Variants in MYO18B observed in about 807,000 individuals in gnomAD.
MYO18B encodes the protein unconventional myosin-XVIIIb.
A neutral mutation model predicts 273.0 loss-of-function variants in MYO18B; 204 were observed. The ratio of observed to expected loss-of-function variants is 0.75; its 90% CI spans 0.67 to 0.84. The LOEUF (loss-of-function observed/expected upper bound fraction) is 0.84, where lower values mean the gene tolerates loss of function less well. Among genes scored for constraint, MYO18B ranks in the 40% least tolerant of loss-of-function variants. MYO18B has a pLI of 0.00. For synonymous variants in MYO18B, 1,330 were observed against 1,305.7 expected, an observed-to-expected ratio of 1.02 and a Z score of -0.40; for missense variants, 3,212 against 3,287.6, an observed-to-expected ratio of 0.98 and a Z score of 0.56.
Position 25,898,390 on chromosome 22 carries a change from C to T in MYO18B, c.4752C>T (p.Asp1584=), listed in dbSNP as rs764869659. 7 of 1,613,918 alleles carry T rather than the reference C, an allele frequency of 4.3e-6. No homozygotes were observed. The African/African-American group carries it at 6.7e-5, about 15-fold the overall frequency. ...GGAAGTGCCACCATCTTACCTGTGACCTTGAGGATACCTGCGTCCTGCTAG... is the reference window on the plus strand; with the variant it reads ...GGAAGTGCCACCATCTTACCTGTGATCTTGAGGATACCTGCGTCCTGCTAG... ...LKRKCHHLTC[D]LEDTCVLLEN... is the part of the protein sequence containing the mutation. Residue 1584 remains aspartate, a synonymous_variant, in exon 29 of 44, where the codon GAC becomes GAT. Coordinates refer to ENST00000335473, the MANE Select transcript of MYO18B (RefSeq NM_032608.7).
chr22:26,005,396 T>C (rs1203552876), intron 42 of MYO18B, among the ~76,000 whole-genome samples: 1 of 152,212 alleles, frequency 6.6e-6, no homozygotes, highest in African/African-American at 2.4e-5. Flanking sequence ...TTTTATAATT[T>C]CCTTACCACA....
chr22:25,845,065 A>T (rs1250283594), intron 18 of MYO18B, among the ~76,000 whole-genome samples: 1 of 152,198 alleles, frequency 6.6e-6, no homozygotes, highest in Non-Finnish European at 1.5e-5. Flanking sequence ...CCTCAGTTTC[A>T]TAATCTGAGA....
chr22:25,896,067 G>C (rs985304202), intron 28 of MYO18B, among the ~76,000 whole-genome samples: 16 of 152,100 alleles, frequency 1.1e-4, no homozygotes, highest in Admixed American at 1.0e-3. Context: ...GGTCGTGGGT[G>C]TGTTCTGCTA....
At chr22:25,914,727 C>T (rs1283123055) in intron 33 of MYO18B, among the ~76,000 whole-genome samples, 11 of 93,334 alleles carry the variant, frequency 1.2e-4, no homozygotes, top group Admixed American at 8.5e-4. Context: ...GATGGAGTCT[C>T]GCTCTGTCGC....
At chr22:26,060,721 T>C in the MYO18B span, among the ~76,000 whole-genome samples, 27 of 152,002 alleles carry the variant, frequency 1.8e-4, no homozygotes, top group African/African-American at 6.0e-4. Flanking sequence ...CACACATACA[T>C]ATACACATGC....
chr22:25,841,733 C>T (rs16980848), intron 17 of MYO18B, among the ~76,000 whole-genome samples: 10,672 of 152,280 alleles, frequency 0.07, 480 homozygotes, highest in African/African-American at 0.12. Flanking sequence ...TACTCGGTCA[C>T]GATCCTCATT....
chr22:25,948,583 C>G (rs1895204511), intron 36 of MYO18B, among the ~76,000 whole-genome samples: 1 of 98,566 alleles, frequency 1.0e-5, no homozygotes, highest in African/African-American at 3.4e-5. Context: ...CCCCCTCTTT[C>G]TTTCTTTCTT....
At chr22:25,761,529 T>G (rs913359617) in intron 2 of MYO18B, among the ~76,000 whole-genome samples, 1 of 152,048 alleles carries the variant, frequency 6.6e-6, no homozygotes, top group Admixed American at 6.6e-5. Context: ...GCCACAGGGG[T>G]GGGTTTCTGT....
chr22:26,002,039 T>G (rs1934003971), intron 40 of MYO18B, among the ~76,000 whole-genome samples: 1 of 152,198 alleles, frequency 6.6e-6, no homozygotes, highest in Admixed American at 6.5e-5. Flanking sequence ...CAGAAACATA[T>G]TCCCTTGTTT....
Position 25,851,503 on chromosome 22 carries a change from G to T in MYO18B, c.3809G>T (p.Arg1270Leu). ...GACCACATGGGGCTCACTCGCTTCC[G>T]CCGGCAATTCCAGGTGCTGGACGCT... The part of the protein sequence containing the change: ...YADHMGLTRF[R>L]RQFQVLDAPL... Residue 1270 changes from arginine (R) to leucine (L), a missense_variant, in exon 21 of 44, where the codon CGC (arginine) becomes CTC (leucine). Transcript: ENST00000335473. 2 of 1,559,406 alleles carry T rather than the reference G, an allele frequency of 1.3e-6. No homozygotes were observed. The highest frequency in any genetic ancestry group is 1.7e-6 in the Non-Finnish European group (2 of 1,151,282).
chr22:25,982,301 T>C (rs914460131), intron 39 of MYO18B, among the ~76,000 whole-genome samples: 2 of 152,096 alleles, frequency 1.3e-5, no homozygotes, highest in African/African-American at 4.8e-5. Context: ...AAGTGAGGCC[T>C]CCAGCCAGTA....
Position 25,768,641 on chromosome 22 carries a change from G to A in MYO18B, c.725G>A (p.Gly242Glu). ...GGCGAGGAGGGTCAAAGCATAGTGGGGAAGGGGCTTGGGACCCCCAAGACC... is the reference window on the plus strand; with the variant it reads ...GGCGAGGAGGGTCAAAGCATAGTGGAGAAGGGGCTTGGGACCCCCAAGACC... ...KKGEEGQSIV[G>E]KGLGTPKTTE... Residue 242 changes from glycine (G) to glutamate (E), a missense_variant, in exon 4 of 44, where the codon GGG becomes GAG. By Grantham distance (98) the Gly-to-Glu change is moderately conservative. Transcript: ENST00000335473. 6.5e-7 allele frequency: 1 copy of A among 1,530,560 alleles called. No individual in the cohort carries two copies. Among genetic ancestry groups the A allele is most frequent in the Non-Finnish European group, 8.7e-7 (1 of 1,143,874 alleles). 94.8% of individuals were successfully genotyped at this position (1,530,560 alleles called of 1,614,324 possible).
intron 12 of MYO18B, among the ~76,000 whole-genome samples, chr22:25,820,984 TG>T (rs1345025312): frequency 6.6e-6 from 1 of 152,234 alleles, no homozygotes; most frequent in Non-Finnish European, 1.5e-5. Context: ...GTTCCACCCA[TG>T]TTGCCATGAA....
At chr22:25,852,311 T>C (rs903459712) in intron 21 of MYO18B, among the ~76,000 whole-genome samples, 2 of 152,216 alleles carry the variant, frequency 1.3e-5, no homozygotes, top group African/African-American at 4.8e-5. Flanking sequence ...GTTTTGATGT[T>C]TATGTAGCAC....
At chr22:25,748,586 C>G (rs1370721808) in intron 1 of MYO18B, among the ~76,000 whole-genome samples, 2 of 152,176 alleles carry the variant, frequency 1.3e-5, no homozygotes, top group Non-Finnish European at 2.9e-5. Context: ...GTAAAGGCCC[C>G]AGGTTCTGAT....
intron 15 of MYO18B, among the ~76,000 whole-genome samples, chr22:25,829,198 A>G (rs1395302374): frequency 1.3e-5 from 2 of 152,036 alleles, no homozygotes; most frequent in African/African-American, 4.8e-5. Flanking sequence ...GCACCAAGGA[A>G]CTCGGGCTTC....
intron 39 of MYO18B, among the ~76,000 whole-genome samples, chr22:25,968,500 A>ATCT (rs1370505702): frequency 6.6e-6 from 1 of 151,770 alleles, no homozygotes; most frequent in East Asian, 1.9e-4. Flanking sequence ...TCTAGGTTTT[A>ATCT]TCTTCTCTGC....
At chr22:25,771,642 T>C (rs1026490414) in intron 6 of MYO18B, among the ~76,000 whole-genome samples, 2 of 152,114 alleles carry the variant, frequency 1.3e-5, no homozygotes, top group Admixed American at 1.3e-4. Flanking sequence ...CACCTCAGGC[T>C]TTCTCTCCCG....
At chr22:25,856,409 A>C (rs2090576387) in intron 21 of MYO18B, among the ~76,000 whole-genome samples, 1 of 152,214 alleles carries the variant, frequency 6.6e-6, no homozygotes, top group Non-Finnish European at 1.5e-5. Context: ...TTAACTTTAA[A>C]TAATTATCAT....
Sources: allele counts gnomAD v4.1 joint callset (sites outside exome capture counted in the v4.1 genomes callset), GRCh38; gene constraint gnomAD v4.1.1; transcripts MANE v1.5; gene names NCBI Gene and HGNC (gene_info 2026-07-23, HGNC 2026-07-21).